The following PAPSS1 variants were observed in gnomAD, a reference collection of about 807,000 sequenced individuals.
PAPSS1 encodes bifunctional 3'-phosphoadenosine 5'-phosphosulfate synthase 1.
A neutral mutation model predicts 72.0 loss-of-function variants in PAPSS1; 50 were observed. The observed-to-expected ratio is 0.69, with a 90% CI of 0.55 to 0.88. PAPSS1 has a LOEUF of 0.88. Among genes scored for constraint, PAPSS1 ranks in the 40% least tolerant of loss-of-function variants. The pLI is 0.00. For missense variants in PAPSS1, 657 were observed against 782.2 expected (o/e 0.84, Z 1.91); for synonymous variants, 261 against 263.6 (o/e 0.99, Z 0.09).
At chr4:107,695,467 T>C (rs1465998296) in intron 2 of PAPSS1, among the ~76,000 whole-genome samples, 1 of 152,166 alleles carries the variant, frequency 6.6e-6, no homozygotes, top group African/African-American at 2.4e-5. Context: ...TTCTTTCTAT[T>C]TGAACACCCT....
intron 3 of PAPSS1, among the ~76,000 whole-genome samples, chr4:107,690,445 C>A (rs1227912036): frequency 6.6e-6 from 1 of 152,210 alleles, no homozygotes; most frequent in Non-Finnish European, 1.5e-5. Context: ...TTTCAAGCAG[C>A]AGCTCCTCTG....
intron 11 of PAPSS1, among the ~76,000 whole-genome samples, chr4:107,629,540 G>A (rs1726180057): frequency 6.6e-6 from 1 of 152,158 alleles, no homozygotes; most frequent in East Asian, 1.9e-4. Flanking sequence ...CAGATCAGCT[G>A]CAGACAAGAG....
chr4:107,684,235 A>G (rs1722713284), intron 4 of PAPSS1, among the ~76,000 whole-genome samples: 1 of 152,168 alleles, frequency 6.6e-6, no homozygotes, highest in Non-Finnish European at 1.5e-5. Flanking sequence ...TATCTTGCCC[A>G]AATTCCTATC....
Position 107,688,257 on chromosome 4 carries a change from C to T in PAPSS1, c.412-1080G>A, listed in dbSNP as rs144413534. Among the ~76,000 whole-genome samples the T allele has an allele frequency of 2.0e-5, 3 of 152,244 alleles. No homozygotes were observed. The East Asian group carries it at 5.8e-4, about 29-fold the overall frequency. On this transcript the variant is annotated intron_variant, in intron 3 of 11. Transcript: ENST00000265174. ...TACAAGTCCATTTAAAACAAATGAACTGCTAAGGGAAGTTCACCCATTTAA... is the reference window on the plus strand; with the variant it reads ...TACAAGTCCATTTAAAACAAATGAATTGCTAAGGGAAGTTCACCCATTTAA...
At chr4:107,621,638 T>TTTTTTTTTTTTTTTTTG (rs1725961667) in intron 11 of PAPSS1, among the ~76,000 whole-genome samples, 1 of 133,796 alleles carries the variant, frequency 7.5e-6, no homozygotes, top group Non-Finnish European at 1.5e-5. Context: ...TTTTTTTTTT[T>TTTTTTTTTTTTTTTTTG]GAGAAGGAGT....
In PAPSS1 at chr4:107,675,009, G is replaced by A. The variant is rs1727598253; in HGVS notation, c.669+7006C>T. Among the ~76,000 whole-genome samples, 6 of 152,170 alleles carry A rather than the reference G, an allele frequency of 3.9e-5. No homozygotes were observed. The South Asian group carries it at 1.2e-3, about 32-fold the overall frequency. ...ACGAGAACAAAGACACAACATACCA[G>A]AATCTCTGGGACACATTCAAAGCAG... On this transcript the variant is annotated intron_variant, in intron 5 of 11. Coordinates refer to ENST00000265174, the MANE Select transcript of PAPSS1 (RefSeq NM_005443.5).
intron 10 of PAPSS1, among the ~76,000 whole-genome samples, chr4:107,641,849 C>G (rs1726553401): frequency 1.3e-5 from 2 of 152,132 alleles, no homozygotes; most frequent in African/African-American, 2.4e-5. Context: ...GAGATATAGA[C>G]AGTTCCTTGG....
chr4:107,614,322 G>C lies in PAPSS1; in HGVS notation c.1802C>G (p.Pro601Arg), dbSNP rs148229699. ...CTTGGGAGCCATGAAACCTTCAGGT[G>C]GTTTCTGGCCTTCTCGAGCAAGTTT... Reference protein sequence around the residue: ...MRKLAREGQKPPEGFMAPKAW... With the variant: ...MRKLAREGQKRPEGFMAPKAW... Residue 601 changes from proline (P) to arginine (R), a missense_variant, in exon 12 of 12, where the codon CCA (proline) becomes CGA (arginine). By Grantham distance (103) the Pro-to-Arg change is moderately radical (BLOSUM62 -2). Transcript: ENST00000265174. 6.2e-7 allele frequency: 1 copy of C among 1,613,842 alleles called. No homozygotes were observed. The highest frequency in any genetic ancestry group is 1.3e-5 in the African/African-American group (1 of 74,908).
intron 3 of PAPSS1, among the ~76,000 whole-genome samples, chr4:107,692,311 T>G (rs1373312564): frequency 1.3e-5 from 2 of 151,444 alleles, no homozygotes. Flanking sequence ...AAAAAAACAT[T>G]AAAAAGTGGG....
At chr4:107,697,195 C>T (rs545071877) in intron 2 of PAPSS1, among the ~76,000 whole-genome samples, 117 of 152,358 alleles carry the variant, frequency 7.7e-4, no homozygotes, top group African/African-American at 2.6e-3. Context: ...TCTTGGACAT[C>T]CTGCCCAGCT....
chr4:107,634,383 G>A (rs1014490752), intron 10 of PAPSS1, among the ~76,000 whole-genome samples: 3 of 152,060 alleles, frequency 2.0e-5, no homozygotes, highest in African/African-American at 7.2e-5. Context: ...TAATTCAGGG[G>A]CTAATGACAA....
At chr4:107,714,359 A>G (rs759748723) in intron 1 of PAPSS1, among the ~76,000 whole-genome samples, 1 of 152,210 alleles carries the variant, frequency 6.6e-6, no homozygotes, top group African/African-American at 2.4e-5. Flanking sequence ...CCACTGCAGA[A>G]GTCTCTATAG....
chr4:107,694,940 G>C (rs1278596172), intron 2 of PAPSS1, among the ~76,000 whole-genome samples: 1 of 95,304 alleles, frequency 1.0e-5, no homozygotes, highest in East Asian at 3.2e-4. Flanking sequence ...AGTACAGAAG[G>C]CTAACTGGAA....
intron 7 of PAPSS1, 116 bp downstream of exon 7, chr4:107,656,780 T>A (rs767875634): frequency 2.7e-5 from 19 of 706,202 alleles, no homozygotes; most frequent in Non-Finnish European, 4.8e-5. Context: ...CTTAGTCTTA[T>A]AATGCTACCT....
At chr4:107,669,229 C>T (rs1246756098) in intron 5 of PAPSS1, among the ~76,000 whole-genome samples, 1 of 152,174 alleles carries the variant, frequency 6.6e-6, no homozygotes, top group Non-Finnish European at 1.5e-5. Context: ...GGCAAATGCA[C>T]AACTGGCATT....
chr4:107,636,842 T>C (rs1168352345), intron 10 of PAPSS1, among the ~76,000 whole-genome samples: 4 of 152,208 alleles, frequency 2.6e-5, no homozygotes, highest in African/African-American at 4.8e-5. Context: ...GTAATTAAAA[T>C]AAACAGATTA....
intron 9 of PAPSS1, among the ~76,000 whole-genome samples, chr4:107,652,722 C>G (rs982655521): frequency 2.0e-5 from 3 of 152,138 alleles, no homozygotes; most frequent in Admixed American, 6.5e-5. Context: ...ATTGGAAGTA[C>G]ACAGTATATA....
At chr4:107,656,038 T>C (rs1221298557) in intron 7 of PAPSS1, among the ~76,000 whole-genome samples, 1 of 152,240 alleles carries the variant, frequency 6.6e-6, no homozygotes, top group Non-Finnish European at 1.5e-5. Context: ...AGTAAATTAA[T>C]CTTACCAACA....
intron 9 of PAPSS1, among the ~76,000 whole-genome samples, chr4:107,651,559 G>A (rs1001170823): frequency 1.3e-5 from 2 of 152,132 alleles, no homozygotes; most frequent in Admixed American, 1.3e-4. Context: ...TGGTGGAAGG[G>A]GAAGTGAACA....
Sources: allele counts gnomAD v4.1 joint callset (sites outside exome capture counted in the v4.1 genomes callset), GRCh38; gene constraint gnomAD v4.1.1; transcripts MANE v1.5; gene names NCBI Gene and HGNC (gene_info 2026-07-23, HGNC 2026-07-21).